Variants in DNAJA3 observed in about 807,000 individuals in gnomAD.
DNAJA3 encodes dnaJ homolog subfamily A member 3, mitochondrial.
A neutral mutation model predicts 54.9 loss-of-function variants in DNAJA3; 29 were observed. That is an observed-to-expected ratio of 0.53 (90% CI 0.39 to 0.72). The LOEUF (loss-of-function observed/expected upper bound fraction) is 0.72, where lower values mean the gene tolerates loss of function less well. Ranked by LOEUF, DNAJA3 falls within the 30% of genes least tolerant of loss-of-function variation. The probability of loss-of-function intolerance (pLI) is 0.00; values close to 1 mark genes in which losing one functional copy is unlikely to be tolerated. For synonymous variants in DNAJA3, 302 were observed against 251.4 expected (o/e 1.20, Z -1.90); for missense variants, 708 against 639.4 (o/e 1.11, Z -1.16).
rs772292484 is a variant in DNAJA3, at chr16:4,443,069, G to T, written c.836G>T (p.Gly279Val). 6.2e-7 allele frequency: 1 copy of T among 1,614,090 alleles called. No individual in the cohort carries two copies. Among genetic ancestry groups the T allele is most frequent in the Non-Finnish European group, 8.5e-7 (1 of 1,180,020 alleles). The change falls in exon 6 of 12, where the codon GGT becomes GTT. Residue 279 changes from glycine to valine, a missense_variant. By Grantham distance (109) the Gly-to-Val change is moderately radical (BLOSUM62 -3). Transcript: ENST00000262375. ...ATGCGTTCCACGTGTAGGAGATGTG[G>T]TGGCCGCGGCTCCATCATCATATCG... ...FVMRSTCRRCGGRGSIIISPC... is the reference protein window; with the variant it reads ...FVMRSTCRRCVGRGSIIISPC...
chr16:4,443,202 A>C (rs1194141971), intron 6 of DNAJA3, 38 bp downstream of exon 6: 1 of 1,610,364 alleles, frequency 6.2e-7, no homozygotes, highest in Non-Finnish European at 8.5e-7. Context: ...GAGCTTGGAG[A>C]GGGCAGACAG....
At position 4,448,593 on chromosome 16, in the gene DNAJA3, C is replaced by T. The variant is rs144382022; in HGVS notation, c.1126-140C>T. ...TCCTGACCTCGTGATCAGCCTGCCT[C>T]GACCTCCCAAAGTGATGGGAGCGTG... is the stretch of plus-strand genomic sequence containing the variant. On this transcript the variant is annotated intron_variant, in intron 8 of 11. Coordinates refer to ENST00000262375, the MANE Select transcript of DNAJA3 (RefSeq NM_005147.6). The T allele has an allele frequency of 1.4e-4, 92 of 642,612 alleles. No homozygotes were observed. In the Middle Eastern group the frequency reaches 1.6e-3, roughly 11 times the overall value. 39.8% of individuals were successfully genotyped at this position (642,612 alleles called of 1,614,324 possible).
chr16:4,447,504 T>A (rs1280810252), intron 8 of DNAJA3: 1 of 153,696 alleles, frequency 6.5e-6, no homozygotes, highest in Non-Finnish European at 1.4e-5. Context: ...CTTCTCCAGC[T>A]TCTTTGTGGG....
intron 9 of DNAJA3, 139 bp downstream of exon 9, chr16:4,448,987 T>C (rs193300929): frequency 1.7e-5 from 11 of 630,714 alleles, no homozygotes; most frequent in Admixed American, 5.6e-5. Flanking sequence ...AAAGTGGACA[T>C]AGTAGAATGG....
Position 4,434,258 on chromosome 16 carries a change from G to A in DNAJA3, c.212-126G>A, listed in dbSNP as rs2056743720. 4 of 1,065,880 alleles carry A rather than the reference G, an allele frequency of 3.8e-6. No homozygotes were observed. In the Admixed American group the frequency reaches 7.5e-5, roughly 20 times the overall value. 66.0% of individuals were successfully genotyped at this position (1,065,880 alleles called of 1,614,324 possible). The stretch of plus-strand genomic sequence containing the variant: ...TAAAATTCTAGTTGAGATCTGGGTG[G>A]GGACACAGCCAAACCTTATCAGTTT... On this transcript the variant is annotated intron_variant, in intron 1 of 11. Coordinates refer to ENST00000262375, the MANE Select transcript of DNAJA3 (RefSeq NM_005147.6).
chr16:4,441,410 T>C lies in DNAJA3; in HGVS notation c.465T>C (p.Asp155=), dbSNP rs906647441. Residue 155 remains aspartate (D), a synonymous_variant, in exon 4 of 12, where the codon GAT becomes GAC. Coordinates refer to ENST00000262375, the MANE Select transcript of DNAJA3 (RefSeq NM_005147.6). ...ATGAGGTGAAGAGGAAGCAGTACGA[T>C]GCCTACGGCTCTGCAGGCTTCGATC... ...LSDEVKRKQY[D]AYGSAGFDPG... The C allele has an allele frequency of 6.2e-7, 1 of 1,614,006 alleles. No individual in the cohort carries two copies. Among genetic ancestry groups the C allele is most frequent in the Non-Finnish European group, 8.5e-7 (1 of 1,180,014 alleles).
chr16:4,435,849 T>C (rs1239695379), intron 2 of DNAJA3, among the ~76,000 whole-genome samples: 1 of 152,250 alleles, frequency 6.6e-6, no homozygotes, highest in Non-Finnish European at 1.5e-5. Context: ...AGGAGTATAG[T>C]TGCTGAGTCA....
At chr16:4,441,062 G>A in intron 3 of DNAJA3, 1 of 443,940 alleles carries the variant, frequency 2.3e-6, no homozygotes, top group East Asian at 3.8e-5. Context: ...GAGGTGAAGT[G>A]TGAATCTGTG....
chr16:4,425,900 A>G lies in DNAJA3; in HGVS notation c.19A>G (p.Thr7Ala), dbSNP rs369435184. 9.3e-5 allele frequency: 143 copies of G among 1,542,606 alleles called. No individual in the cohort carries two copies. Among genetic ancestry groups the G allele is most frequent in the African/African-American group, 1.7e-4 (12 of 72,358 alleles). MAARCS[T>A]RWLLVVVGTP... The stretch of plus-strand genomic sequence containing the variant: ...GGCCAAGATGGCTGCGCGGTGCTCC[A>G]CACGCTGGTTGCTGGTGGTTGTGGG... The change falls in exon 1 of 12, where the codon ACA (threonine) becomes GCA (alanine). Residue 7 changes from threonine to alanine, a missense_variant. Physicochemically the swap from Thr to Ala is moderately conservative, Grantham distance 58. Coordinates refer to ENST00000262375, the MANE Select transcript of DNAJA3 (RefSeq NM_005147.6).
rs541465390 is a variant in DNAJA3 at position 4,456,009 on chromosome 16, G to A, written c.*477G>A. 28 of 180,798 alleles carry A rather than the reference G, an allele frequency of 1.5e-4. No individual in the cohort carries two copies. The highest frequency in any genetic ancestry group is 5.4e-4 in the African/African-American group (23 of 42,738). 11.2% of individuals were successfully genotyped at this position (180,798 alleles called of 1,614,324 possible). A position where few individuals can be genotyped will look rare whatever the true frequency, so the allele number is the denominator to read the frequency against. ...CTGACAGGTTGTCTTCACTGGGAGC[G>A]TGGGGCCCCCAGGCCCCACCAGCAC... On this transcript the variant is annotated 3_prime_UTR_variant, in exon 12 of 12. Transcript: ENST00000262375.
chr16:4,449,082 C>T (rs556785633), intron 9 of DNAJA3, among the ~76,000 whole-genome samples: 16 of 152,276 alleles, frequency 1.1e-4, no homozygotes, highest in African/African-American at 2.9e-4. Context: ...CTGCAACCTC[C>T]GCTTCCCAGG....
chr16:4,450,230 C>T (rs986482090), intron 9 of DNAJA3, 170 bp from the exon 10 acceptor site: 7 of 560,568 alleles, frequency 1.2e-5, no homozygotes, highest in African/African-American at 7.5e-5. Flanking sequence ...TGTACAGAAG[C>T]TTTGAGGGCA....
At chr16:4,450,209 A>G (rs2056960422) in intron 9 of DNAJA3, 191 bp from the exon 10 acceptor site, 1 of 532,388 alleles carries the variant, frequency 1.9e-6, no homozygotes, top group South Asian at 2.9e-5. Flanking sequence ...AGGGTGTTTT[A>G]GGAGCTTTTC....
chr16:4,434,334 T>C, intron 1 of DNAJA3, 50 bp from the exon 2 acceptor site: 1 of 1,596,208 alleles, frequency 6.3e-7, no homozygotes, highest in Non-Finnish European at 8.5e-7. Context: ...CACAGTTTTC[T>C]TTTGTTGAGA....
intron 7 of DNAJA3, 55 bp from the exon 8 acceptor site, chr16:4,446,831 G>A (rs1349393115): frequency 6.9e-6 from 11 of 1,601,360 alleles, no homozygotes; most frequent in Non-Finnish European, 9.4e-6. Flanking sequence ...CATGCAGCTG[G>A]TGTTTAGTCT....
intron 1 of DNAJA3, among the ~76,000 whole-genome samples, chr16:4,428,558 T>A (rs2896893): frequency 0.61 from 92,625 of 152,114 alleles, 29,533 homozygotes; most frequent in Non-Finnish European, 0.71. Flanking sequence ...TCGTTATTAT[T>A]GTGTATGTGA....
Position 4,454,803 on chromosome 16 carries a change from G to C in DNAJA3, c.1340-8G>C, listed in dbSNP as rs775957365. 1.6e-5 allele frequency: 25 copies of C among 1,607,536 alleles called. No individual in the cohort carries two copies. In the Admixed American group the frequency reaches 2.0e-4, roughly 13 times the overall value. On this transcript the variant is annotated splice_polypyrimidine_tract_variant and splice_region_variant and intron_variant, in intron 10 of 11. Coordinates refer to ENST00000262375, the MANE Select transcript of DNAJA3 (RefSeq NM_005147.6). ...ATGACGCCAGTTCTTTCTGCTGTTT[G>C]TGCCCAGGTGGCAGCACCATGGATA...
chr16:4,435,044 C>T (rs2018359215), intron 2 of DNAJA3, among the ~76,000 whole-genome samples: 2 of 151,732 alleles, frequency 1.3e-5, no homozygotes, highest in Admixed American at 6.6e-5. Flanking sequence ...CTATAGGCAC[C>T]TGCCACCACA....
At chr16:4,446,242 ATTT>A (rs751454752) in intron 7 of DNAJA3, among the ~76,000 whole-genome samples, 5 of 119,710 alleles carry the variant, frequency 4.2e-5, no homozygotes, top group Non-Finnish European at 1.8e-5. Context: ...ATAAAGTAAG[ATTT>A]TTTTTTTTTT....
Sources: allele counts gnomAD v4.1 joint callset (sites outside exome capture counted in the v4.1 genomes callset), GRCh38; gene constraint gnomAD v4.1.1; transcripts MANE v1.5; gene names NCBI Gene and HGNC (gene_info 2026-07-23, HGNC 2026-07-21).